Variants in COL19A1 observed in about 807,000 individuals in gnomAD.
COL19A1 encodes the protein collagen alpha-1(XIX) chain.
COL19A1 carries 159 observed loss-of-function variants against 190.2 expected under a neutral mutation model. The ratio of observed to expected loss-of-function variants is 0.84; its 90% CI spans 0.73 to 0.95. The LOEUF (loss-of-function observed/expected upper bound fraction) is 0.95, where lower values mean the gene tolerates loss of function less well. Among genes scored for constraint, COL19A1 ranks in the 40% least tolerant of loss-of-function variants. The probability of loss-of-function intolerance (pLI) is 0.00; values close to 1 mark genes in which losing one functional copy is unlikely to be tolerated. For missense variants in COL19A1, 1,418 were observed against 1,431.9 expected (o/e 0.99, Z 0.16); for synonymous variants, 509 against 458.9 (o/e 1.11, Z -1.39).
At chr6:69,926,371 A>G (rs1003848818) in intron 4 of COL19A1, among the ~76,000 whole-genome samples, 2 of 152,178 alleles carry the variant, frequency 1.3e-5, no homozygotes, top group South Asian at 4.1e-4. Flanking sequence ...AATATACTTA[A>G]GTAACTAAAG....
chr6:70,032,776 A>G (rs143800907), intron 12 of COL19A1, among the ~76,000 whole-genome samples: 1 of 152,268 alleles, frequency 6.6e-6, no homozygotes, highest in Admixed American at 6.5e-5. Flanking sequence ...GCCAGAAGCA[A>G]CTTCACACAA....
intron 34 of COL19A1, among the ~76,000 whole-genome samples, chr6:70,160,152 A>G (rs1441825720): frequency 6.6e-6 from 1 of 152,086 alleles, no homozygotes; most frequent in Admixed American, 6.6e-5. Context: ...TAATTTATAA[A>G]AGAAAGAGGT....
chr6:70,168,615 G>A (rs1765311681), intron 39 of COL19A1, 40 bp from the exon 40 acceptor site: 2 of 1,606,996 alleles, frequency 1.2e-6, no homozygotes, highest in African/African-American at 2.7e-5. Flanking sequence ...AACTGCTTTG[G>A]TCATTATTTG....
intron 11 of COL19A1, among the ~76,000 whole-genome samples, chr6:70,021,361 CAT>C (rs142870607): frequency 0.099 from 15,078 of 152,118 alleles, 794 homozygotes; most frequent in East Asian, 0.2. Flanking sequence ...TGTACACACA[CAT>C]CTCTTTAATA....
intron 2 of COL19A1, among the ~76,000 whole-genome samples, chr6:69,889,062 G>A (rs1023486881): frequency 1.3e-5 from 2 of 151,996 alleles, no homozygotes; most frequent in African/African-American, 4.8e-5. Flanking sequence ...GTTTTGATTC[G>A]TTTATGAAAG....
chr6:70,185,052 C>A, intron 46 of COL19A1, 137 bp downstream of exon 46: 1 of 722,408 alleles, frequency 1.4e-6, no homozygotes, highest in Non-Finnish European at 2.2e-6. Flanking sequence ...GATCAAAGAT[C>A]TCTACCAGAC....
At chr6:70,122,057 A>G (rs900434711) in intron 17 of COL19A1, 115 bp downstream of exon 17, 46 of 608,222 alleles carry the variant, frequency 7.6e-5, no homozygotes, top group Middle Eastern at 9.1e-4. Context: ...GATCACATGT[A>G]TTTAAACATC....
At chr6:70,190,991 A>G (rs1001088636) in intron 48 of COL19A1, among the ~76,000 whole-genome samples, 10 of 152,320 alleles carry the variant, frequency 6.6e-5, no homozygotes, top group African/African-American at 2.2e-4. Flanking sequence ...CTGAAATTTG[A>G]ATTTGTTTCC....
chr6:70,097,430 T>C (rs550408060), intron 15 of COL19A1, among the ~76,000 whole-genome samples: 1 of 152,094 alleles, frequency 6.6e-6, no homozygotes, highest in Admixed American at 6.5e-5. Flanking sequence ...ACATTTTGTT[T>C]ATCCATTCAT....
At chr6:69,883,577 A>G (rs1467442131) in intron 2 of COL19A1, among the ~76,000 whole-genome samples, 2 of 152,240 alleles carry the variant, frequency 1.3e-5, no homozygotes, top group Non-Finnish European at 2.9e-5. Context: ...TAACTTGACC[A>G]GACAAATTAT....
rs149314833 is a variant in COL19A1 at position 70,156,337 on chromosome 6, C to T, written c.2206C>T (p.Pro736Ser). The change falls in exon 33 of 51, where the codon CCT becomes TCT. Residue 736 changes from proline (P) to serine (S), a missense_variant. Coordinates refer to ENST00000620364, the MANE Select transcript of COL19A1 (RefSeq NM_001858.6). ...ARKGDIGPRG[P>S]PGIPGREGPK... ...CTAGGGTGATATAGGGCCACGGGGT[C>T]CTCCAGGAATCCCAGGAAGAGAGGG... The T allele has an allele frequency of 2.5e-6, 4 of 1,613,202 alleles. No homozygotes were observed. The South Asian group carries it at 3.3e-5, about 13-fold the overall frequency.
intron 40 of COL19A1, among the ~76,000 whole-genome samples, chr6:70,169,057 T>G (rs1765342830): frequency 7.8e-6 from 1 of 127,430 alleles, no homozygotes; most frequent in African/African-American, 3.3e-5. Flanking sequence ...CCTTAATATA[T>G]CTGCCATCTC....
At chr6:70,190,257 A>G (rs1766778953) in intron 47 of COL19A1, 58 bp from the exon 48 acceptor site, 3 of 1,300,202 alleles carry the variant, frequency 2.3e-6, no homozygotes, top group East Asian at 2.3e-5. Flanking sequence ...CAATATTTCT[A>G]TTCTTTATTC....
intron 20 of COL19A1, among the ~76,000 whole-genome samples, chr6:70,141,413 G>A (rs978705398): frequency 6.6e-6 from 1 of 152,034 alleles, no homozygotes; most frequent in African/African-American, 2.4e-5. Context: ...ATTATAGCCA[G>A]TATCATCCTC....
chr6:70,025,682 A>C (rs561286444), intron 12 of COL19A1, among the ~76,000 whole-genome samples: 1 of 152,372 alleles, frequency 6.6e-6, no homozygotes, highest in East Asian at 1.9e-4. Context: ...CCGTGAAAGC[A>C]AAGACCATGT....
chr6:70,176,667 T>C, intron 42 of COL19A1, 103 bp downstream of exon 42: 2 of 1,003,830 alleles, frequency 2.0e-6, no homozygotes. Context: ...ATACCATAAC[T>C]CCCATGGCAT....
At chr6:70,170,775 G>A (rs802180) in intron 40 of COL19A1, among the ~76,000 whole-genome samples, 115,896 of 152,038 alleles carry the variant, frequency 0.76, 45,029 homozygotes, top group African/African-American at 0.91. Context: ...AAGCATATCA[G>A]TTCATATGCT....
intron 7 of COL19A1, among the ~76,000 whole-genome samples, chr6:69,934,198 A>T (rs1772959195): frequency 6.6e-6 from 1 of 152,016 alleles, no homozygotes; most frequent in Non-Finnish European, 1.5e-5. Flanking sequence ...TATAAAGCAT[A>T]TCTCCAATCC....
At chr6:70,077,312 A>G (rs1459607550) in intron 15 of COL19A1, among the ~76,000 whole-genome samples, 1 of 152,208 alleles carries the variant, frequency 6.6e-6, no homozygotes, top group East Asian at 1.9e-4. Context: ...TTGAAAATTT[A>G]TCTTTTATAT....
Sources: gnomAD v4.1 joint callset for allele counts (sites outside exome capture counted in the v4.1 genomes callset) on GRCh38, gnomAD v4.1.1 for gene constraint, MANE v1.5 for transcripts, NCBI Gene and HGNC (gene_info 2026-07-23, HGNC 2026-07-21) for gene names.